The following L3MBTL3 variants were observed in gnomAD, a reference collection of about 807,000 sequenced individuals.
L3MBTL3 encodes the protein L3MBTL histone methyl-lysine binding protein 3.
In L3MBTL3, 27 loss-of-function variants were observed where a neutral mutation model predicts 102.3. That is an observed-to-expected ratio of 0.26 (90% confidence interval 0.19 to 0.36). The LOEUF is 0.36. Among genes scored for constraint, L3MBTL3 ranks in the 10% least tolerant of loss-of-function variants. L3MBTL3 has a pLI of 1.00. For synonymous variants in L3MBTL3, 340 were observed against 320.9 expected (o/e 1.06, Z -0.64); for missense variants, 798 against 955.3 (o/e 0.84, Z 2.17).
At chr6:130,127,684 T>A (rs1415945569) in intron 20 of L3MBTL3, among the ~76,000 whole-genome samples, 1 of 152,214 alleles carries the variant, frequency 6.6e-6, no homozygotes, top group African/African-American at 2.4e-5. Flanking sequence ...ATTACTCCCA[T>A]CTATCATTTT....
Position 130,060,020 on chromosome 6 carries a change from T to G in L3MBTL3, c.760-16T>G. 4.0e-6 allele frequency: 6 copies of G among 1,513,588 alleles called. No homozygotes were observed. Among genetic ancestry groups the G allele is most frequent in the Non-Finnish European group, 5.5e-6 (6 of 1,088,916 alleles). 93.8% of individuals were successfully genotyped at this position (1,513,588 alleles called of 1,614,324 possible). A position where few individuals can be genotyped will look rare whatever the true frequency, so the allele number is the denominator to read the frequency against. Reference sequence around the variant, plus strand: ...TTGGGATAAGGGACTAAAACTGCTCTCATTTTGCATTTTAGCATCAATCCT... The same window carrying G: ...TTGGGATAAGGGACTAAAACTGCTCGCATTTTGCATTTTAGCATCAATCCT... On this transcript the variant is annotated splice_polypyrimidine_tract_variant and intron_variant, in intron 9 of 22. Coordinates refer to ENST00000361794, the MANE Select transcript of L3MBTL3 (RefSeq NM_032438.4).
intron 16 of L3MBTL3, among the ~76,000 whole-genome samples, chr6:130,087,776 T>C (rs1057418951): frequency 1.3e-5 from 2 of 152,086 alleles, no homozygotes; most frequent in Non-Finnish European, 2.9e-5. Context: ...TTAAATATTT[T>C]AGAAGACTAT....
chr6:130,137,813 G>A (rs1787865036), intron 22 of L3MBTL3: 1 of 152,184 alleles, frequency 6.6e-6, no homozygotes. Context: ...TTGTACTAAG[G>A]TCTGCCTTGG....
intron 18 of L3MBTL3, among the ~76,000 whole-genome samples, chr6:130,097,694 T>G (rs1169267613): frequency 6.6e-6 from 1 of 152,152 alleles, no homozygotes; most frequent in African/African-American, 2.4e-5. Flanking sequence ...TCACAGTGTT[T>G]CCCTTTGTCA....
intron 10 of L3MBTL3, among the ~76,000 whole-genome samples, chr6:130,063,889 C>A (rs552343315): frequency 6.6e-6 from 1 of 152,284 alleles, no homozygotes; most frequent in East Asian, 1.9e-4. Context: ...AGAACTGAAA[C>A]AGGAAGGTAA....
chr6:130,032,122 C>T (rs1779763921), intron 2 of L3MBTL3, among the ~76,000 whole-genome samples: 1 of 152,014 alleles, frequency 6.6e-6, no homozygotes, highest in South Asian at 2.1e-4. Flanking sequence ...CTATGTTGCC[C>T]AGGCTGGTCT....
chr6:130,058,327 TC>T lies in L3MBTL3; in HGVS notation c.759+833del, dbSNP rs1160275335. Among the ~76,000 whole-genome samples, 3 of 152,122 alleles carry T rather than the reference TC, an allele frequency of 2.0e-5. No individual in the cohort carries two copies. The South Asian group carries it at 6.2e-4, about 32-fold the overall frequency. ...ATGTAGTTCTGAGTAGCAGTTGATG[TC>T]CCTGGACTAAACCAAGAGTTGGGGT... On this transcript the variant is annotated intron_variant, in intron 9 of 22. Transcript: ENST00000361794.
chr6:130,049,455 A>G (rs1780948435), intron 4 of L3MBTL3, 62 bp downstream of exon 4: 2 of 1,106,972 alleles, frequency 1.8e-6, no homozygotes, highest in Middle Eastern at 2.0e-4. Flanking sequence ...AAGAATATCT[A>G]AAGTTTTATA....
At chr6:130,027,947 G>A (rs1050982306) in intron 2 of L3MBTL3, among the ~76,000 whole-genome samples, 1 of 151,878 alleles carries the variant, frequency 6.6e-6, no homozygotes, top group Admixed American at 6.6e-5. Flanking sequence ...TAAAAAATAT[G>A]TCTGACTCAA....
intron 11 of L3MBTL3, among the ~76,000 whole-genome samples, chr6:130,067,080 A>G (rs754199933): frequency 5.3e-5 from 8 of 152,160 alleles, no homozygotes; most frequent in Non-Finnish European, 1.0e-4. Context: ...TTCAAGAATA[A>G]CAGATATCGT....
At chr6:130,111,734 A>T (rs924714586) in intron 19 of L3MBTL3, among the ~76,000 whole-genome samples, 2 of 152,162 alleles carry the variant, frequency 1.3e-5, no homozygotes, top group African/African-American at 4.8e-5. Flanking sequence ...TTCATATCAG[A>T]TCCCCTGGGA....
Position 130,092,799 on chromosome 6 carries a change from C to T in L3MBTL3, c.1573C>T (p.Pro525Ser). Residue 525 changes from proline (P) to serine (S), a missense_variant, in exon 17 of 23, where the codon CCT becomes TCT. Pro to Ser is a moderately conservative substitution (Grantham distance 74, BLOSUM62 -1). This residue lies in a region of L3MBTL3 where 306 missense variants were observed against 314.4 expected (regional missense o/e 0.97). Coordinates refer to ENST00000361794, the MANE Select transcript of L3MBTL3 (RefSeq NM_032438.4). ...TGATTACTGGATAGATGCAGATTCT[C>T]CTGATATTCACCCTGTAGGCTGGTG... ...CYDYWIDADS[P>S]DIHPVGWCSK... 2.5e-6 allele frequency: 4 copies of T among 1,613,438 alleles called. No individual in the cohort carries two copies. Among genetic ancestry groups the T allele is most frequent in the Non-Finnish European group, 3.4e-6 (4 of 1,179,512 alleles).
chr6:130,141,427 A>G lies in L3MBTL3; in HGVS notation c.*1674A>G, dbSNP rs1214864553. 2 of 152,236 alleles carry G rather than the reference A, an allele frequency of 1.3e-5. No individual in the cohort carries two copies. The highest frequency in any genetic ancestry group is 4.8e-5 in the African/African-American group (2 of 41,468). The allele number at this position is 152,236 out of a possible 1,614,324, so 9.4% of individuals were successfully genotyped here. On this transcript the variant is annotated 3_prime_UTR_variant, in exon 23 of 23. Transcript: ENST00000361794. ...TTATATCTGACATGAATGAAATAAA[A>G]TCTTAATTACAGATGCTTTTTACAT...
At chr6:130,025,750 C>A (rs1779301725) in intron 2 of L3MBTL3, among the ~76,000 whole-genome samples, 1 of 152,130 alleles carries the variant, frequency 6.6e-6, no homozygotes, top group Non-Finnish European at 1.5e-5. Flanking sequence ...ATTATTCTTT[C>A]TCCCATATAT....
chr6:130,041,932 TG>T (rs1287952067), intron 2 of L3MBTL3, among the ~76,000 whole-genome samples: 1 of 152,202 alleles, frequency 6.6e-6, no homozygotes, highest in Non-Finnish European at 1.5e-5. Context: ...ATTCTTTCAG[TG>T]GACAAAACTA....
intron 16 of L3MBTL3, among the ~76,000 whole-genome samples, chr6:130,088,140 T>A (rs1783807222): frequency 6.6e-6 from 1 of 152,138 alleles, no homozygotes; most frequent in Non-Finnish European, 1.5e-5. Context: ...TAATACAACA[T>A]CCTGGTCAGT....
chr6:130,024,331 T>C (rs1387822850), intron 2 of L3MBTL3, among the ~76,000 whole-genome samples: 2 of 152,152 alleles, frequency 1.3e-5, no homozygotes, highest in African/African-American at 4.8e-5. Flanking sequence ...GTAAGTACTA[T>C]CTATTATTAT....
At chr6:130,067,263 G>A (rs995323804) in intron 11 of L3MBTL3, among the ~76,000 whole-genome samples, 2 of 152,072 alleles carry the variant, frequency 1.3e-5, no homozygotes, top group African/African-American at 2.4e-5. Context: ...ACAGGTGCCT[G>A]CCACCATGCC....
intron 10 of L3MBTL3, among the ~76,000 whole-genome samples, chr6:130,065,212 A>C (rs1457710741): frequency 6.6e-6 from 1 of 152,210 alleles, no homozygotes; most frequent in Non-Finnish European, 1.5e-5. Flanking sequence ...CTTCCTTTTC[A>C]CTACCACTTC....
Sources: gnomAD v4.1 joint callset for allele counts (sites outside exome capture counted in the v4.1 genomes callset) on GRCh38, gnomAD v4.1.1 for gene constraint, gnomAD v4.1.1 regional missense constraint, MANE v1.5 for transcripts, NCBI Gene and HGNC (gene_info 2026-07-23, HGNC 2026-07-21) for gene names.